Variants in GRM7 observed in about 807,000 individuals in gnomAD.
GRM7 encodes the protein glutamate metabotropic receptor 7.
In GRM7, 35 loss-of-function variants were observed where a neutral mutation model predicts 84.5. The ratio of observed to expected loss-of-function variants is 0.41; its 90% CI spans 0.32 to 0.55. The LOEUF (loss-of-function observed/expected upper bound fraction) is 0.55. GRM7 is among the 20% of genes least tolerant of loss of function. The pLI, the probability that GRM7 is intolerant of heterozygous loss-of-function variation, is 0.19. For synonymous variants in GRM7, 487 were observed against 455.1 expected (o/e 1.07, Z -0.89); for missense variants, 1,003 against 1,194.6 (o/e 0.84, Z 2.36).
chr3:7,268,067 A>G (rs1342764364), intron 2 of GRM7, among the ~76,000 whole-genome samples: 1 of 152,148 alleles, frequency 6.6e-6, no homozygotes, highest in African/African-American at 2.4e-5. Context: ...CATTTAGAAT[A>G]AAAGTCGTGT....
chr3:7,182,163 A>T (rs2125097973), intron 2 of GRM7, among the ~76,000 whole-genome samples: 1 of 152,234 alleles, frequency 6.6e-6, no homozygotes, highest in Middle Eastern at 3.4e-3. Flanking sequence ...TCAACATTCA[A>T]GTTCAGAGAA....
chr3:7,070,973 T>C (rs1411925466), intron 1 of GRM7, among the ~76,000 whole-genome samples: 1 of 152,130 alleles, frequency 6.6e-6, no homozygotes, highest in Admixed American at 6.6e-5. Context: ...TCTAAGACTT[T>C]TCAAGAGCAC....
intron 2 of GRM7, among the ~76,000 whole-genome samples, chr3:7,209,780 A>G (rs1696360006): frequency 6.6e-6 from 1 of 152,226 alleles, no homozygotes; most frequent in Admixed American, 6.5e-5. Context: ...GCCAAGAGCC[A>G]TAAGAAAGGA....
intron 9 of GRM7, among the ~76,000 whole-genome samples, chr3:7,697,962 TA>T (rs1559494370): frequency 6.6e-6 from 1 of 152,206 alleles, no homozygotes; most frequent in African/African-American, 2.4e-5. Context: ...TGAGGTTTAC[TA>T]AAAAGGTTAT....
At chr3:6,875,490 TG>T (rs1220821725) in intron 1 of GRM7, among the ~76,000 whole-genome samples, 1 of 152,146 alleles carries the variant, frequency 6.6e-6, no homozygotes, top group African/African-American at 2.4e-5. Context: ...CCTGCTGTCA[TG>T]TAAGGTGTAG....
rs139151830 is a variant in GRM7, at chr3:7,236,379, T to A, written c.737-62305T>A. On this transcript the variant is annotated intron_variant, in intron 2 of 9. Coordinates refer to ENST00000357716, the MANE Select transcript of GRM7 (RefSeq NM_000844.4). Reference sequence around the variant, plus strand: ...AAAAAGATGTTACTATTTTCTCCTATTTTTTAGAAAAGGGAAGTAGTAGAT... The same window carrying A: ...AAAAAGATGTTACTATTTTCTCCTAATTTTTAGAAAAGGGAAGTAGTAGAT... Among the ~76,000 whole-genome samples, 13 of 152,314 alleles carry A rather than the reference T, an allele frequency of 8.5e-5. No homozygotes were observed. The East Asian group carries it at 2.5e-3, about 29-fold the overall frequency.
intron 1 of GRM7, among the ~76,000 whole-genome samples, chr3:6,907,347 A>G (rs553028490): frequency 2.4e-4 from 36 of 152,246 alleles, no homozygotes; most frequent in Non-Finnish European, 4.4e-4. Context: ...AGTACATGAG[A>G]TGAAAATGGT....
At chr3:7,529,428 G>A (rs1559382539) in intron 7 of GRM7, among the ~76,000 whole-genome samples, 2 of 150,164 alleles carry the variant, frequency 1.3e-5, no homozygotes, top group African/African-American at 2.5e-5. Flanking sequence ...TTGGGATTTG[G>A]CATAGCAAGG....
intron 6 of GRM7, among the ~76,000 whole-genome samples, chr3:7,455,956 G>A (rs1232924370): frequency 6.6e-6 from 1 of 152,042 alleles, no homozygotes; most frequent in East Asian, 1.9e-4. Context: ...GAATGAAGAG[G>A]CACCACATTC....
intron 7 of GRM7, among the ~76,000 whole-genome samples, chr3:7,499,462 A>G (rs1699813305): frequency 6.6e-6 from 1 of 152,200 alleles, no homozygotes; most frequent in Admixed American, 6.5e-5. Flanking sequence ...AACTTCATTT[A>G]TAATGCTTAA....
At chr3:7,492,012 T>G (rs919815599) in intron 7 of GRM7, among the ~76,000 whole-genome samples, 2 of 150,146 alleles carry the variant, frequency 1.3e-5, no homozygotes, top group African/African-American at 4.8e-5. Context: ...TAGACTGCAT[T>G]GATTTATTTT....
chr3:6,923,810 A>G (rs1262024468), intron 1 of GRM7, among the ~76,000 whole-genome samples: 2 of 152,210 alleles, frequency 1.3e-5, no homozygotes, highest in East Asian at 3.9e-4. Flanking sequence ...TTATGGGACT[A>G]TAAATGCAGC....
chr3:7,185,905 A>G (rs956771786), intron 2 of GRM7, among the ~76,000 whole-genome samples: 1 of 152,234 alleles, frequency 6.6e-6, no homozygotes, highest in African/African-American at 2.4e-5. Context: ...TACTTTACCC[A>G]GAAATTGAGC....
chr3:7,714,489 C>G (rs897757479), intron 9 of GRM7, among the ~76,000 whole-genome samples: 6 of 152,158 alleles, frequency 3.9e-5, no homozygotes, highest in African/African-American at 1.4e-4. Flanking sequence ...GGATTGTCGA[C>G]CAGCAGCATC....
chr3:7,597,856 G>A (rs1696124221), intron 8 of GRM7, among the ~76,000 whole-genome samples: 1 of 152,124 alleles, frequency 6.6e-6, no homozygotes, highest in Non-Finnish European at 1.5e-5. Flanking sequence ...GTCCCGGGTT[G>A]ACCAAGACAC....
At chr3:7,259,953 G>GTTTTTTTTTTTTTTTTTTTTTTTTTTTTT (rs1164961076) in intron 2 of GRM7, among the ~76,000 whole-genome samples, 2 of 89,668 alleles carry the variant, frequency 2.2e-5, no homozygotes, top group African/African-American at 5.9e-5. Context: ...ACCAGCATCT[G>GTTTTTTTTTTTTTTTTTTTTTTTTTTTTT]TTTTTTTTTT....
At chr3:7,312,276 A>C (rs1700425943) in intron 4 of GRM7, among the ~76,000 whole-genome samples, 1 of 152,128 alleles carries the variant, frequency 6.6e-6, no homozygotes, top group Non-Finnish European at 1.5e-5. Context: ...GCAGCAATGC[A>C]AAGGAGGGGC....
intron 8 of GRM7, among the ~76,000 whole-genome samples, chr3:7,597,256 T>C (rs1354723944): frequency 6.6e-6 from 1 of 151,964 alleles, no homozygotes; most frequent in African/African-American, 2.4e-5. Context: ...CATGCACTTT[T>C]AAATGACCAG....
intron 1 of GRM7, among the ~76,000 whole-genome samples, chr3:7,116,149 A>G (rs1693024499): frequency 6.6e-6 from 1 of 152,150 alleles, no homozygotes; most frequent in African/African-American, 2.4e-5. Context: ...AGACTGTACC[A>G]ACAGAGTCTG....
Sources: allele counts gnomAD v4.1 joint callset (sites outside exome capture counted in the v4.1 genomes callset), GRCh38; gene constraint gnomAD v4.1.1; transcripts MANE v1.5; gene names NCBI Gene and HGNC (gene_info 2026-07-23, HGNC 2026-07-21).